AGMO: variants seen among roughly 807,000 people sequenced by gnomAD.
AGMO encodes the protein glyceryl-ether monooxygenase.
In AGMO, 75 loss-of-function variants were observed where a neutral mutation model predicts 60.2. The observed-to-expected ratio is 1.25, with a 90% CI of 1.03 to 1.51. AGMO has a LOEUF of 1.51. Ranked by LOEUF, AGMO falls within the 40% of genes most tolerant of loss-of-function variation. The pLI is 0.00. For missense variants in AGMO, 763 were observed against 525.5 expected (o/e 1.45, Z -4.42); for synonymous variants, 261 against 177.1 (o/e 1.47, Z -3.76).
intron 12 of AGMO, among the ~76,000 whole-genome samples, chr7:15,342,779 C>CA (rs780336320): frequency 0.3 from 18,670 of 61,578 alleles, 4,232 homozygotes; most frequent in East Asian, 0.39. Flanking sequence ...AGTATAGCTG[C>CA]AAAAAAAAAA....
intron 12 of AGMO, among the ~76,000 whole-genome samples, chr7:15,228,797 G>T (rs1186454792): frequency 6.6e-6 from 1 of 152,034 alleles, no homozygotes; most frequent in African/African-American, 2.4e-5. Context: ...TTATCTGTAG[G>T]CATTCTCATC....
At chr7:15,230,430 TC>T (rs1482035479) in intron 12 of AGMO, among the ~76,000 whole-genome samples, 1 of 151,934 alleles carries the variant, frequency 6.6e-6, no homozygotes, top group African/African-American at 2.4e-5. Flanking sequence ...GCCTGACAGG[TC>T]CCACATGGGA....
chr7:15,315,486 C>T (rs1190262388), intron 12 of AGMO, among the ~76,000 whole-genome samples: 3 of 151,528 alleles, frequency 2.0e-5, no homozygotes, highest in South Asian at 2.1e-4. Flanking sequence ...TACAGGCATG[C>T]GCCACCACGC....
At chr7:15,465,726 G>A (rs989072226) in intron 3 of AGMO, among the ~76,000 whole-genome samples, 9 of 151,424 alleles carry the variant, frequency 5.9e-5, no homozygotes, top group Admixed American at 2.0e-4. Flanking sequence ...GATTACAGGC[G>A]TGAGCACCAC....
chr7:15,452,048 C>A (rs1781868742), intron 3 of AGMO, among the ~76,000 whole-genome samples: 1 of 152,096 alleles, frequency 6.6e-6, no homozygotes, highest in Non-Finnish European at 1.5e-5. Context: ...GGTTGAAGTT[C>A]ATCTACAAGG....
intron 12 of AGMO, among the ~76,000 whole-genome samples, chr7:15,354,514 A>ACACG (rs1782442861): frequency 1.2e-5 from 1 of 82,498 alleles, no homozygotes; most frequent in Admixed American, 1.1e-4. Flanking sequence ...ATATATATAT[A>ACACG]TATATATATA....
intron 3 of AGMO, among the ~76,000 whole-genome samples, chr7:15,511,072 A>G (rs1783659677): frequency 6.6e-6 from 1 of 152,126 alleles, no homozygotes; most frequent in South Asian, 2.1e-4. Flanking sequence ...TTTAAGAAAG[A>G]CTAATAGTAA....
intron 3 of AGMO, among the ~76,000 whole-genome samples, chr7:15,538,448 G>A (rs1784534024): frequency 6.6e-6 from 1 of 152,048 alleles, no homozygotes; most frequent in South Asian, 2.1e-4. Context: ...GTCCAGGTTG[G>A]TCTTGAAACT....
chr7:15,179,575 A>T, the AGMO span, among the ~76,000 whole-genome samples: 1 of 152,102 alleles, frequency 6.6e-6, no homozygotes, highest in African/African-American at 2.4e-5. Flanking sequence ...CTACCCCTTT[A>T]GTTTCACTGG....
intron 12 of AGMO, among the ~76,000 whole-genome samples, chr7:15,331,968 T>C (rs1198166801): frequency 1.3e-5 from 2 of 151,554 alleles, no homozygotes; most frequent in Non-Finnish European, 2.9e-5. Flanking sequence ...GCCAATGGAA[T>C]GGGAGCAGAG....
intron 12 of AGMO, among the ~76,000 whole-genome samples, chr7:15,300,324 A>G (rs990247064): frequency 6.6e-6 from 1 of 152,174 alleles, no homozygotes; most frequent in African/African-American, 2.4e-5. Flanking sequence ...ACCAACAAAC[A>G]TAGAGTCCAG....
chr7:15,402,686 T>C (rs1396392833), intron 5 of AGMO, among the ~76,000 whole-genome samples: 1 of 148,642 alleles, frequency 6.7e-6, no homozygotes, highest in African/African-American at 2.4e-5. Flanking sequence ...TTAATAAATA[T>C]TAAATATTCA....
chr7:15,530,982 A>G (rs1170182834), intron 3 of AGMO, among the ~76,000 whole-genome samples: 1 of 72,116 alleles, frequency 1.4e-5, no homozygotes, highest in Admixed American at 2.2e-4. Flanking sequence ...TTCTATATGT[A>G]TATTCTATAT....
intron 12 of AGMO, among the ~76,000 whole-genome samples, chr7:15,272,765 A>G (rs963602134): frequency 6.6e-6 from 1 of 152,056 alleles, no homozygotes; most frequent in African/African-American, 2.4e-5. Flanking sequence ...AAGTGTTCCT[A>G]TTTCTCCACA....
chr7:15,459,599 T>TTGTGTGTGTG (rs754526222), intron 3 of AGMO, among the ~76,000 whole-genome samples: 2,323 of 142,196 alleles, frequency 0.016, 61 homozygotes, highest in African/African-American at 0.055. Flanking sequence ...GTATGTGCGT[T>TTGTGTGTGTG]TGTGTGTGTG....
chr7:15,166,991 A>G, the AGMO span, among the ~76,000 whole-genome samples: 1 of 152,182 alleles, frequency 6.6e-6, no homozygotes, highest in African/African-American at 2.4e-5. Flanking sequence ...GAGAAAAGAT[A>G]ATAGAGAGTG....
At chr7:15,298,788 T>C (rs1429874103) in intron 12 of AGMO, among the ~76,000 whole-genome samples, 1 of 152,176 alleles carries the variant, frequency 6.6e-6, no homozygotes, top group East Asian at 1.9e-4. Flanking sequence ...AGAGAAACAA[T>C]GACCATTCTA....
chr7:15,333,978 T>C (rs1329111123), intron 12 of AGMO, among the ~76,000 whole-genome samples: 1 of 152,102 alleles, frequency 6.6e-6, no homozygotes, highest in African/African-American at 2.4e-5. Context: ...TACAAGTAAG[T>C]CCAAATGTGA....
intron 12 of AGMO, among the ~76,000 whole-genome samples, chr7:15,215,598 A>C (rs1053184749): frequency 6.6e-6 from 1 of 152,094 alleles, no homozygotes; most frequent in South Asian, 2.1e-4. Context: ...ATGGTTAGAG[A>C]TCGCTGTATG....
Sources: allele counts gnomAD v4.1 joint callset (sites outside exome capture counted in the v4.1 genomes callset), GRCh38; gene constraint gnomAD v4.1.1; transcripts MANE v1.5; gene names NCBI Gene and HGNC (gene_info 2026-07-23, HGNC 2026-07-21).